The following SCOC variants were observed in gnomAD, a reference collection of about 807,000 sequenced individuals.
SCOC encodes the protein short coiled coil protein.
A neutral mutation model predicts 9.9 loss-of-function variants in SCOC; 7 were observed. That is an observed-to-expected ratio of 0.71 (90% CI 0.40 to 1.33). The LOEUF is 1.33. Ranked by LOEUF, SCOC falls within the 40% of genes most tolerant of loss-of-function variation. The pLI is 0.01. For synonymous variants in SCOC, 19 were observed against 28.2 expected, an observed-to-expected ratio of 0.67 and a Z score of 1.03; for missense variants, 66 against 89.7, an observed-to-expected ratio of 0.74 and a Z score of 1.07.
intron 1 of SCOC, among the ~76,000 whole-genome samples, chr4:140,309,686 C>T (rs1256547580): frequency 6.6e-6 from 1 of 152,188 alleles, no homozygotes; most frequent in Non-Finnish European, 1.5e-5. Context: ...AAGAGAAAAA[C>T]AAATACCATT....
At chr4:140,362,929 T>C (rs1345827212) in intron 2 of SCOC, 1 of 152,194 alleles carries the variant, frequency 6.6e-6, no homozygotes, top group African/African-American at 2.4e-5. Flanking sequence ...TGTCATTGCA[T>C]ATTCTTGCTG....
intron 1 of SCOC, among the ~76,000 whole-genome samples, chr4:140,320,006 G>A (rs1368364249): frequency 6.6e-6 from 1 of 152,126 alleles, no homozygotes; most frequent in African/African-American, 2.4e-5. Context: ...ATTTGAACCG[G>A]AGCAACTCCA....
rs543151629 is a variant in SCOC at position 140,279,020 on chromosome 4, T to C, written c.-19+21610T>C. ...AAGATCCTGTGTAGTTTGGCCCTACTTACCTTTCCACCTCATCTTGCACCA... is the reference window on the plus strand; with the variant it reads ...AAGATCCTGTGTAGTTTGGCCCTACCTACCTTTCCACCTCATCTTGCACCA... On this transcript the variant is annotated intron_variant, in intron 1 of 4. Transcript: ENST00000394205. Among the ~76,000 whole-genome samples, 127 of 152,236 alleles carry C rather than the reference T, an allele frequency of 8.3e-4. 4 individuals are homozygous for C. In the South Asian group the frequency reaches 0.025, roughly 30 times the overall value.
In SCOC at chr4:140,266,914, C is replaced by G. The variant is rs79886322; in HGVS notation, c.-19+9504C>G. On this transcript the variant is annotated intron_variant, in intron 1 of 4. Coordinates refer to the SCOC transcript ENST00000394205. ...ATCTATAAAGTCTCTTCCTGGGGCT[C>G]GTTGTATTTTCAAAGTTGTCCACAG... Among the ~76,000 whole-genome samples, 65 of 152,154 alleles carry G rather than the reference C, an allele frequency of 4.3e-4. 1 individual carries two copies. In the East Asian group the frequency reaches 9.9e-3, roughly 23 times the overall value.
rs1167333131 is a variant in SCOC at position 140,373,669 on chromosome 4, C to T, written c.-99C>T. On this transcript the variant is annotated 5_prime_UTR_variant, in exon 1 of 4. Coordinates refer to ENST00000608372, the MANE Select transcript of SCOC (RefSeq NM_001153484.2). ...GGGTCAGTTGGTCCAAGTGTCCCGG[C>T]CTGAGGTGTCGGCCGGATCCCTCCT... 6 of 1,551,152 alleles carry T rather than the reference C, an allele frequency of 3.9e-6. No individual in the cohort carries two copies. The highest frequency in any genetic ancestry group is 3.5e-4 in the Middle Eastern group (2 of 5,790).
At chr4:140,339,266 G>T (rs1272773149), upstream of SCOC, among the ~76,000 whole-genome samples, 7 of 152,028 alleles carry the variant, frequency 4.6e-5, no homozygotes, top group Non-Finnish European at 8.8e-5. Context: ...GCTGAAACTG[G>T]ATCCCTTCCT....
chr4:140,338,208 T>C (rs544878184), intron 1 of SCOC, among the ~76,000 whole-genome samples: 2 of 152,224 alleles, frequency 1.3e-5, no homozygotes, highest in East Asian at 3.9e-4. Flanking sequence ...CACATGATTA[T>C]CTCAATAGAT....
chr4:140,278,756 A>G (rs778569235), intron 1 of SCOC, among the ~76,000 whole-genome samples: 1 of 152,180 alleles, frequency 6.6e-6, no homozygotes, highest in Non-Finnish European at 1.5e-5. Flanking sequence ...TTATGCCAGG[A>G]CATTGGCCTC....
At chr4:140,262,655 A>G (rs2126389200) in intron 1 of SCOC, among the ~76,000 whole-genome samples, 1 of 152,304 alleles carries the variant, frequency 6.6e-6, no homozygotes, top group Admixed American at 6.5e-5. Flanking sequence ...TCACACTGCT[A>G]TAAAGAACTA....
chr4:140,269,787 G>T (rs897770532), intron 1 of SCOC, among the ~76,000 whole-genome samples: 2 of 151,868 alleles, frequency 1.3e-5, no homozygotes, highest in Non-Finnish European at 2.9e-5. Flanking sequence ...GTCTTGCTCT[G>T]TCACCCAGGC....
chr4:140,272,615 G>A (rs560623071), intron 1 of SCOC, among the ~76,000 whole-genome samples: 3 of 152,292 alleles, frequency 2.0e-5, no homozygotes, highest in South Asian at 2.1e-4. Context: ...TATCCACAGC[G>A]CCTGGCCATA....
chr4:140,343,175 C>G (rs557313677), upstream of SCOC, among the ~76,000 whole-genome samples: 21 of 152,266 alleles, frequency 1.4e-4, no homozygotes, highest in Non-Finnish European at 2.5e-4. Flanking sequence ...CATTGAGGCT[C>G]TGAGGGTTTG....
In SCOC at chr4:140,377,317, C is replaced by T. The variant is rs547086195; in HGVS notation, c.-50-1804C>T. 7.2e-5 allele frequency among the ~76,000 whole-genome samples: 11 copies of T among 152,212 alleles called. No individual in the cohort carries two copies. In the South Asian group the frequency reaches 2.3e-3, roughly 32 times the overall value. On this transcript the variant is annotated intron_variant, in intron 1 of 3. Transcript: ENST00000608372. ...GTTTTTGGAGTGTGGTCTTTAAATACTACAGTAGGCTGAATAACTTTTAAA... is the reference window on the plus strand; with the variant it reads ...GTTTTTGGAGTGTGGTCTTTAAATATTACAGTAGGCTGAATAACTTTTAAA...
At chr4:140,325,592 C>A (rs1330722611) in intron 1 of SCOC, among the ~76,000 whole-genome samples, 1 of 152,058 alleles carries the variant, frequency 6.6e-6, no homozygotes. Flanking sequence ...AGGTGTTCAG[C>A]ATCATTTGTT....
At chr4:140,259,559 A>G (rs1730583239) in intron 1 of SCOC, among the ~76,000 whole-genome samples, 1 of 152,032 alleles carries the variant, frequency 6.6e-6, no homozygotes, top group Non-Finnish European at 1.5e-5. Context: ...CTATAAAAAG[A>G]AAAAAAAGTT....
chr4:140,260,818 A>T (rs138475633), intron 1 of SCOC, among the ~76,000 whole-genome samples: 1 of 152,242 alleles, frequency 6.6e-6, no homozygotes, highest in Non-Finnish European at 1.5e-5. Flanking sequence ...ACACACTGTG[A>T]GAGAGAAAAG....
upstream of SCOC, among the ~76,000 whole-genome samples, chr4:140,372,809 A>C (rs1728111204): frequency 6.6e-6 from 1 of 152,194 alleles, no homozygotes; most frequent in African/African-American, 2.4e-5. Flanking sequence ...CCTTGTACTC[A>C]ACGAATATTA....
At chr4:140,308,449 C>T (rs771471484) in intron 1 of SCOC, among the ~76,000 whole-genome samples, 1 of 152,092 alleles carries the variant, frequency 6.6e-6, no homozygotes, top group Non-Finnish European at 1.5e-5. Flanking sequence ...TAGCCAGGGC[C>T]GAGCAGAGGA....
intron 2 of SCOC, among the ~76,000 whole-genome samples, chr4:140,350,914 G>C (rs1041162835): frequency 6.6e-6 from 1 of 152,080 alleles, no homozygotes; most frequent in Non-Finnish European, 1.5e-5. Flanking sequence ...TCTGGGCCAG[G>C]AACAGTGGCT....
Sources: gnomAD v4.1 joint callset for allele counts (sites outside exome capture counted in the v4.1 genomes callset) on GRCh38, gnomAD v4.1.1 for gene constraint, MANE v1.5 for transcripts, NCBI Gene and HGNC (gene_info 2026-07-23, HGNC 2026-07-21) for gene names.